RNF217: variants seen among roughly 807,000 people sequenced by gnomAD.
RNF217 encodes E3 ubiquitin-protein ligase RNF217.
RNF217 carries 31 observed loss-of-function variants against 57.8 expected under a neutral mutation model. The ratio of observed to expected loss-of-function variants is 0.54; its 90% CI spans 0.40 to 0.72. The LOEUF is 0.72. Ranked by LOEUF, RNF217 falls within the 30% of genes least tolerant of loss-of-function variation. The pLI is 0.00. For synonymous variants in RNF217, 313 were observed against 294.0 expected (o/e 1.06, Z -0.66); for missense variants, 696 against 708.3 (o/e 0.98, Z 0.20).
chr6:125,074,271 T>A (rs1035003129), intron 3 of RNF217, among the ~76,000 whole-genome samples: 3 of 151,384 alleles, frequency 2.0e-5, no homozygotes. Flanking sequence ...ACTCTCCAGT[T>A]AGGTAGGTCG....
chr6:124,987,102 G>A (rs1784391836), intron 1 of RNF217, among the ~76,000 whole-genome samples: 1 of 152,086 alleles, frequency 6.6e-6, no homozygotes, highest in Non-Finnish European at 1.5e-5. Flanking sequence ...CGATTCTTTA[G>A]ATTCATCTCT....
chr6:125,067,231 G>T (rs1787967632), intron 3 of RNF217, among the ~76,000 whole-genome samples: 1 of 152,188 alleles, frequency 6.6e-6, no homozygotes, highest in Non-Finnish European at 1.5e-5. Context: ...GTGGTGAGAG[G>T]TGGGGCTGGA....
At chr6:124,975,161 A>G (rs1392628508) in intron 1 of RNF217, among the ~76,000 whole-genome samples, 1 of 152,194 alleles carries the variant, frequency 6.6e-6, no homozygotes, top group South Asian at 2.1e-4. Context: ...ATTTACTCAC[A>G]TGATTATTGG....
intron 1 of RNF217, among the ~76,000 whole-genome samples, chr6:125,033,078 C>G (rs1038473095): frequency 1.3e-5 from 2 of 151,938 alleles, no homozygotes; most frequent in Non-Finnish European, 2.9e-5. Flanking sequence ...GTGAAGTACC[C>G]ATAAAGTCTC....
chr6:125,071,970 A>G (rs1788162454), intron 3 of RNF217, among the ~76,000 whole-genome samples: 1 of 152,176 alleles, frequency 6.6e-6, no homozygotes, highest in South Asian at 2.1e-4. Flanking sequence ...GAGCTATAAT[A>G]AAAAATAAAA....
chr6:125,077,276 G>A (rs1788412654), intron 4 of RNF217, among the ~76,000 whole-genome samples: 1 of 152,082 alleles, frequency 6.6e-6, no homozygotes, highest in African/African-American at 2.4e-5. Context: ...TAGGAAGGCA[G>A]GGGAAAAAAT....
intron 1 of RNF217, among the ~76,000 whole-genome samples, chr6:124,979,125 C>G (rs1784068750): frequency 6.6e-6 from 1 of 152,200 alleles, no homozygotes; most frequent in Non-Finnish European, 1.5e-5. Context: ...CGTTTTCAGG[C>G]TTCAGGCTGT....
At chr6:124,985,958 T>C (rs1039430708) in intron 1 of RNF217, among the ~76,000 whole-genome samples, 1 of 152,126 alleles carries the variant, frequency 6.6e-6, no homozygotes, top group African/African-American at 2.4e-5. Flanking sequence ...GTTTGTTTCC[T>C]CCCAAAATTC....
At position 125,086,717 on chromosome 6, in the gene RNF217, C is replaced by G. The variant is rs1788780938; in HGVS notation, c.*3780C>G. 6.6e-6 allele frequency: 1 copy of G among 152,036 alleles called. No homozygotes were observed. The highest frequency in any genetic ancestry group is 1.5e-5 in the Non-Finnish European group (1 of 67,982). The allele number at this position is 152,036 out of a possible 1,614,324, so 9.4% of individuals were successfully genotyped here. A position where few individuals can be genotyped will look rare whatever the true frequency, so the allele number is the denominator to read the frequency against. On this transcript the variant is annotated 3_prime_UTR_variant, in exon 6 of 6. Transcript: ENST00000521654. The stretch of plus-strand genomic sequence containing the variant: ...CACCACCTTGATTTTCTCATAGGTG[C>G]TATTGTGTCCTAAGAGTAGAACAGA...
intron 3 of RNF217, among the ~76,000 whole-genome samples, chr6:125,061,910 T>C (rs1787749742): frequency 6.6e-6 from 1 of 152,022 alleles, no homozygotes; most frequent in Admixed American, 6.6e-5. Flanking sequence ...ATTTTAGTGC[T>C]TATTATGCAT....
Position 125,084,191 on chromosome 6 carries a change from A to AT in RNF217, c.*1259dup, listed in dbSNP as rs1272105137. ...TTACATTTAACTGCTCAAACATAAT[A>AT]TTTTTGGGGACACCTTCTTATGGAG... On this transcript the variant is annotated 3_prime_UTR_variant, in exon 6 of 6. Transcript: ENST00000521654. 6.6e-6 allele frequency: 1 copy of AT among 151,948 alleles called. No individual in the cohort carries two copies. The highest frequency in any genetic ancestry group is 2.4e-5 in the African/African-American group (1 of 41,410). The allele number at this position is 151,948 out of a possible 1,614,324, so 9.4% of individuals were successfully genotyped here. A position where few individuals can be genotyped will look rare whatever the true frequency, so the allele number is the denominator to read the frequency against.
chr6:124,994,376 G>A (rs9388396), intron 1 of RNF217, among the ~76,000 whole-genome samples: 37,131 of 152,020 alleles, frequency 0.24, 4,886 homozygotes, highest in East Asian at 0.4. Context: ...TCCCTAAAGT[G>A]AGGACTTATT....
chr6:125,029,491 C>T (rs1240148016), intron 1 of RNF217, among the ~76,000 whole-genome samples: 2 of 152,072 alleles, frequency 1.3e-5, no homozygotes, highest in African/African-American at 2.4e-5. Flanking sequence ...ACAGACCATT[C>T]GTAGAACTGG....
intron 1 of RNF217, among the ~76,000 whole-genome samples, chr6:124,988,943 T>C (rs1469775084): frequency 1.3e-5 from 2 of 152,150 alleles, no homozygotes; most frequent in Non-Finnish European, 2.9e-5. Flanking sequence ...TTAAATTGCA[T>C]GTTAATGTTG....
chr6:125,077,627 TTTC>T (rs928170270), intron 4 of RNF217, among the ~76,000 whole-genome samples: 4 of 152,188 alleles, frequency 2.6e-5, no homozygotes, highest in Admixed American at 6.5e-5. Flanking sequence ...CGGCGGAATA[TTTC>T]TTCTTCTGCT....
intron 1 of RNF217, among the ~76,000 whole-genome samples, chr6:125,042,059 TACTTC>T (rs1562482236): frequency 6.6e-6 from 1 of 152,176 alleles, no homozygotes; most frequent in Non-Finnish European, 1.5e-5. Context: ...TGAAAAACTG[TACTTC>T]ACTTAATCAT....
intron 5 of RNF217, chr6:125,082,520 C>T (rs752433683): frequency 7.4e-6 from 12 of 1,612,738 alleles, no homozygotes; most frequent in Non-Finnish European, 1.0e-5. Context: ...TTTGGCTCCA[C>T]AGCCTGTGTT....
intron 1 of RNF217, chr6:124,971,448 GT>G (rs985123824): frequency 5.6e-4 from 175 of 311,502 alleles, no homozygotes; most frequent in Middle Eastern, 2.4e-3. Context: ...TTACTGTTAA[GT>G]TTTTTTTTGT....
intron 1 of RNF217, among the ~76,000 whole-genome samples, chr6:125,019,082 C>T (rs1162798188): frequency 6.6e-6 from 1 of 152,110 alleles, no homozygotes; most frequent in Non-Finnish European, 1.5e-5. Context: ...GCCCGCTTGC[C>T]TCTGATCACA....
Sources: allele counts gnomAD v4.1 joint callset (sites outside exome capture counted in the v4.1 genomes callset), GRCh38; gene constraint gnomAD v4.1.1; transcripts MANE v1.5; gene names NCBI Gene and HGNC (gene_info 2026-07-23, HGNC 2026-07-21).